TELO2: variants seen among roughly 807,000 people sequenced by gnomAD.
The protein encoded by TELO2 is telomere length regulation protein TEL2 homolog.
In TELO2, 71 loss-of-function variants were observed where a neutral mutation model predicts 91.0. The ratio of observed to expected loss-of-function variants is 0.78; its 90% confidence interval spans 0.64 to 0.95. The LOEUF (loss-of-function observed/expected upper bound fraction) is 0.95, where lower values mean the gene tolerates loss of function less well. TELO2 is among the 40% of genes least tolerant of loss of function. TELO2 has a pLI of 0.00. For synonymous variants in TELO2, 584 were observed against 518.9 expected, an observed-to-expected ratio of 1.13 and a Z score of -1.71; for missense variants, 1,183 against 1,141.3, an observed-to-expected ratio of 1.04 and a Z score of -0.53.
intron 6 of TELO2, 65 bp downstream of exon 6, chr16:1,499,398 A>C: frequency 3.2e-6 from 5 of 1,553,246 alleles, no homozygotes; most frequent in Non-Finnish European, 4.4e-6. Flanking sequence ...GCTGCAAAAC[A>C]TGGGGTCGGA....
intron 20 of TELO2, among the ~76,000 whole-genome samples, chr16:1,508,102 G>A (rs920116255): frequency 6.6e-6 from 1 of 151,880 alleles, no homozygotes; most frequent in Non-Finnish European, 1.5e-5. Flanking sequence ...CGCCTCCCTG[G>A]GCCCCTCCGG....
Position 1,506,328 on chromosome 16 carries a change from A to T in TELO2, c.2125A>T (p.Arg709Trp), listed in dbSNP as rs768958396. 6.2e-7 allele frequency: 1 copy of T among 1,613,996 alleles called. No homozygotes were observed. Among genetic ancestry groups the T allele is most frequent in the Admixed American group, 1.7e-5 (1 of 60,026 alleles). The change falls in exon 17 of 21, where the codon AGG becomes TGG. Residue 709 changes from arginine to tryptophan, a missense_variant and splice_region_variant. Transcript: ENST00000262319. The stretch of plus-strand genomic sequence containing the variant: ...CTTCCCCCTCCTTCAGCGCTTTGAC[A>T]GGTGAGTGGGTTTTCCGTGGGCCTG... Reference protein sequence around the residue: ...FFFPLLQRFDRPLVTFDLLGE... With the variant: ...FFFPLLQRFDWPLVTFDLLGE...
rs755556339 is a variant in TELO2 at position 1,494,525 on chromosome 16, C to T, written c.244C>T (p.Arg82Cys). The T allele has an allele frequency of 2.0e-5, 33 of 1,613,182 alleles. No individual in the cohort carries two copies. The highest frequency in any genetic ancestry group is 2.6e-5 in the Non-Finnish European group (31 of 1,179,948). The change falls in exon 2 of 21, where the codon CGC becomes TGC. Residue 82 changes from arginine to cysteine, a missense_variant. Coordinates refer to ENST00000262319, the MANE Select transcript of TELO2 (RefSeq NM_016111.4). The surrounding 1 kb of genome is among the most constrained non-coding windows in gnomAD (Gnocchi z 5.6). ...CTGGCTGGAGCTGCTGCCCCATGGC[C>T]GCCTGGAGGAGCTGTGGGCCAGCTT... ...PAWLELLPHGRLEELWASFFL... is the reference protein window; with the variant it reads ...PAWLELLPHGCLEELWASFFL...
chr16:1,500,708 G>A lies in TELO2; in HGVS notation c.1281+9G>A. On this transcript the variant is annotated intron_variant, in intron 9 of 20. Transcript: ENST00000262319. ...CTCCCCTGAAATTCCAGGTGAGCGG[G>A]CCGTCCCCTCCGCGTCCCCGTGTGG... 1 of 1,611,858 alleles carries A rather than the reference G, an allele frequency of 6.2e-7. No homozygotes were observed.
chr16:1,503,111 C>A, intron 15 of TELO2, 109 bp downstream of exon 15: 1 of 1,233,234 alleles, frequency 8.1e-7, no homozygotes, highest in Non-Finnish European at 1.2e-6. Flanking sequence ...CTCGTGCAGG[C>A]CTGTCCACTG....
At position 1,497,133 on chromosome 16, in the gene TELO2, C is replaced by T. The variant is rs371450222; in HGVS notation, c.682+29C>T. 80 of 1,612,656 alleles carry T rather than the reference C, an allele frequency of 5.0e-5. No individual in the cohort carries two copies. The African/African-American group carries it at 7.1e-4, about 14-fold the overall frequency. ...AGTAGAGCAGTGCCTTCCTGCCCAT[C>T]CTGCCCCGACCCTCACAGCCCATCA... On this transcript the variant is annotated intron_variant, in intron 4 of 20. Coordinates refer to ENST00000262319, the MANE Select transcript of TELO2 (RefSeq NM_016111.4). The surrounding 1 kb of genome is among the most constrained non-coding windows in gnomAD (Gnocchi z 4.0).
rs1596260184 is a variant in TELO2 at position 1,501,479 on chromosome 16, T to A, written c.1341T>A (p.Gly447=). ...CCTTGGCCTCCCCCCAGCCTGCGGG[T>A]GACGGCGCCTCGGAGGCGGGGTGAG... ...LLALASPQPA[G]DGASEAGTSL... is the part of the protein sequence containing the mutation. The change falls in exon 10 of 21, where the codon GGT becomes GGA. Residue 447 remains glycine (G), a synonymous_variant. Transcript: ENST00000262319. 1 of 1,610,474 alleles carries A rather than the reference T, an allele frequency of 6.2e-7. No individual in the cohort carries two copies. Among genetic ancestry groups the A allele is most frequent in the Non-Finnish European group, 8.5e-7 (1 of 1,178,620 alleles).
At position 1,494,123 on chromosome 16, in the gene TELO2, G is replaced by A; in HGVS notation, c.-36-123G>A. The A allele has an allele frequency of 3.1e-6, 2 of 648,218 alleles. No individual in the cohort carries two copies. Among genetic ancestry groups the A allele is most frequent in the Non-Finnish European group, 5.3e-6 (2 of 380,014 alleles). The allele number at this position is 648,218 out of a possible 1,614,324, so 40.2% of individuals were successfully genotyped here. ...GGCAGGCACTGGAGGGGAAGGAGGCGGGACAGGGTTGGGTGGGACCAGGGT... is the reference window on the plus strand; with the variant it reads ...GGCAGGCACTGGAGGGGAAGGAGGCAGGACAGGGTTGGGTGGGACCAGGGT... On this transcript the variant is annotated intron_variant, in intron 1 of 20. Coordinates refer to ENST00000262319, the MANE Select transcript of TELO2 (RefSeq NM_016111.4). The surrounding 1 kb of genome is among the most constrained non-coding windows in gnomAD (Gnocchi z 5.6).
chr16:1,494,458 C>A lies in TELO2; in HGVS notation c.177C>A (p.Phe59Leu). The A allele has an allele frequency of 1.2e-6, 2 of 1,613,454 alleles. No individual in the cohort carries two copies. The highest frequency in any genetic ancestry group is 8.5e-7 in the Non-Finnish European group (1 of 1,179,996). ...AGGAGGAGTTTGCCTCGGCCCACTT[C>A]TCGCCTGTCCTCAGATGTCTTGCCA... ...REKEEFASAH[F>L]SPVLRCLASR... is the part of the protein sequence containing the mutation. The change falls in exon 2 of 21, where the codon TTC (phenylalanine) becomes TTA (leucine). Residue 59 changes from phenylalanine to leucine, a missense_variant. Coordinates refer to ENST00000262319, the MANE Select transcript of TELO2 (RefSeq NM_016111.4). The surrounding 1 kb of genome is among the most constrained non-coding windows in gnomAD (Gnocchi z 5.6).
At chr16:1,508,410 C>T (rs911403131) in intron 20 of TELO2, among the ~76,000 whole-genome samples, 6 of 152,224 alleles carry the variant, frequency 3.9e-5, no homozygotes, top group African/African-American at 1.2e-4. Flanking sequence ...GGATTACAGG[C>T]GTGAGCCACC....
In TELO2 at chr16:1,505,027, T is replaced by G. The variant is rs189243532; in HGVS notation, c.1843-383T>G. 5.4e-4 allele frequency: 101 copies of G among 185,464 alleles called. No homozygotes were observed. The highest frequency in any genetic ancestry group is 2.1e-3 in the African/African-American group (89 of 43,048). The allele number at this position is 185,464 out of a possible 1,614,324, so 11.5% of individuals were successfully genotyped here. Reference sequence around the variant, plus strand: ...GATGGAGGCGCACATGGGTCCTTGGTGCCTTCTCTGCAATGTTCTGAGGTC... The same window carrying G: ...GATGGAGGCGCACATGGGTCCTTGGGGCCTTCTCTGCAATGTTCTGAGGTC... On this transcript the variant is annotated intron_variant, in intron 15 of 20. Transcript: ENST00000262319. This position sits in a 1 kb window ranked among gnomAD's most constrained non-coding sequence, Gnocchi z 4.3.
At chr16:1,502,253 G>T in intron 12 of TELO2, 60 bp from the exon 13 acceptor site, 1 of 1,566,378 alleles carries the variant, frequency 6.4e-7, no homozygotes. Context: ...CGTGCTGCTG[G>T]CTCTCATGGG....
chr16:1,502,001 C>T, intron 11 of TELO2, 46 bp from the exon 12 acceptor site: 1 of 1,611,198 alleles, frequency 6.2e-7, no homozygotes, highest in Non-Finnish European at 8.5e-7. Context: ...TGGGCACTTC[C>T]TGTCACAGGC....
At position 1,501,447 on chromosome 16, in the gene TELO2, C is replaced by T; in HGVS notation, c.1309C>T (p.Leu437=). ...QYEEDELSLE[L]LALASPQPAG... ...CGAAGAGGATGAACTGAGCCTCGAG[C>T]TGCTGGCCTTGGCCTCCCCCCAGCC... Residue 437 remains leucine (L), a synonymous_variant, in exon 10 of 21, where the codon CTG becomes TTG. Transcript: ENST00000262319. 6.2e-7 allele frequency: 1 copy of T among 1,612,294 alleles called. No individual in the cohort carries two copies. Among genetic ancestry groups the T allele is most frequent in the Non-Finnish European group, 8.5e-7 (1 of 1,179,576 alleles).
intron 9 of TELO2, 76 bp downstream of exon 9, chr16:1,500,775 G>A: frequency 6.4e-7 from 1 of 1,560,980 alleles, no homozygotes; most frequent in Non-Finnish European, 8.7e-7. Context: ...CAGCCCCAGG[G>A]TCACCGCCTC....
intron 10 of TELO2, 37 bp from the exon 11 acceptor site, chr16:1,501,626 G>A: frequency 1.3e-6 from 2 of 1,584,136 alleles, no homozygotes; most frequent in Non-Finnish European, 1.7e-6. Context: ...AGGCTCGAGG[G>A]GCCCCTAAAG....
chr16:1,495,716 T>C, intron 3 of TELO2, 93 bp downstream of exon 3: 1 of 1,475,158 alleles, frequency 6.8e-7, no homozygotes, highest in East Asian at 2.3e-5. Flanking sequence ...TCTGGAGACT[T>C]TGGAGTCTCT....
In TELO2 at chr16:1,502,591, C is replaced by A. The variant is rs572701014; in HGVS notation, c.1654-54C>A. On this transcript the variant is annotated intron_variant, in intron 13 of 20. Coordinates refer to ENST00000262319, the MANE Select transcript of TELO2 (RefSeq NM_016111.4). ...TCCGGCCCTGTGAGCCTCGGTGAGGCCTCGGCGGGCAGCTGGGTCCGACAG... is the reference window on the plus strand; with the variant it reads ...TCCGGCCCTGTGAGCCTCGGTGAGGACTCGGCGGGCAGCTGGGTCCGACAG... 3.2e-6 allele frequency: 5 copies of A among 1,582,876 alleles called. No homozygotes were observed. In the African/African-American group the frequency reaches 5.4e-5, roughly 17 times the overall value.
chr16:1,502,256 C>T (rs541924538), intron 12 of TELO2, 57 bp from the exon 13 acceptor site: 18 of 1,567,178 alleles, frequency 1.1e-5, no homozygotes, highest in Non-Finnish European at 1.6e-5. Flanking sequence ...GCTGCTGGCT[C>T]TCATGGGTTC....
Sources: gnomAD v4.1 joint callset for allele counts (sites outside exome capture counted in the v4.1 genomes callset) on GRCh38, gnomAD v4.1.1 for gene constraint, Gnocchi (gnomAD v3.1) non-coding constraint, MANE v1.5 for transcripts, NCBI Gene and HGNC (gene_info 2026-07-23, HGNC 2026-07-21) for gene names.